PACRG: variants seen among roughly 807,000 people sequenced by gnomAD.
The protein encoded by PACRG is parkin coregulated.
PACRG carries 29 observed loss-of-function variants against 29.7 expected under a neutral mutation model. That is an observed-to-expected ratio of 0.98 (90% confidence interval 0.73 to 1.33). PACRG has a LOEUF of 1.33. PACRG is among the 40% of genes most tolerant of loss of function. The probability of loss-of-function intolerance (pLI) is 0.00; values close to 1 mark genes in which losing one functional copy is unlikely to be tolerated. For missense variants in PACRG, 279 were observed against 316.2 expected (o/e 0.88, Z 0.89); for synonymous variants, 116 against 118.7 (o/e 0.98, Z 0.15).
chr6:162,987,701 G>C (rs1171025290), intron 2 of PACRG, among the ~76,000 whole-genome samples: 3 of 152,174 alleles, frequency 2.0e-5, no homozygotes, highest in Admixed American at 2.0e-4. Flanking sequence ...AGTCTTAGGT[G>C]TGTCTTTATT....
chr6:162,820,817 G>A (rs1255074792), intron 2 of PACRG, among the ~76,000 whole-genome samples: 2 of 152,146 alleles, frequency 1.3e-5, no homozygotes, highest in Non-Finnish European at 1.5e-5. Flanking sequence ...CAAAGCTTGA[G>A]TTTGGATAAT....
intron 4 of PACRG, among the ~76,000 whole-genome samples, chr6:163,290,879 T>C (rs1784576524): frequency 6.6e-6 from 1 of 152,124 alleles, no homozygotes; most frequent in Admixed American, 6.5e-5. Context: ...GAAGGGGCAT[T>C]GGCGGGTAGG....
Position 163,071,700 on chromosome 6 carries a change from G to GA in PACRG, c.463+9390dup, listed in dbSNP as rs34031093. The stretch of plus-strand genomic sequence containing the variant: ...AATAATAAAGACCAGATCTAAGTTA[G>GA]AAAAAAAAAAAGACCCAAATAAATA... On this transcript the variant is annotated intron_variant, in intron 3 of 4. Coordinates refer to ENST00000366888, the MANE Select transcript of PACRG (RefSeq NM_001080379.2). 3.2e-3 allele frequency among the ~76,000 whole-genome samples: 452 copies of GA among 140,778 alleles called. 3 individuals carry two copies. The highest frequency in any genetic ancestry group is 0.019 in the East Asian group (92 of 4,918). 92.4% of individuals were successfully genotyped at this position (140,778 alleles called of 152,430 possible).
intron 2 of PACRG, among the ~76,000 whole-genome samples, chr6:162,932,185 A>G (rs998750757): frequency 6.6e-6 from 1 of 152,014 alleles, no homozygotes; most frequent in East Asian, 1.9e-4. Flanking sequence ...TTATGTTTCC[A>G]TTTATATAAA....
intron 4 of PACRG, among the ~76,000 whole-genome samples, chr6:163,124,933 A>G (rs967696762): frequency 6.6e-6 from 1 of 152,250 alleles, no homozygotes; most frequent in Admixed American, 6.5e-5. Context: ...AATCTCATGA[A>G]TTACAGTCTC....
At chr6:162,787,585 T>TAG (rs1784598550) in intron 1 of PACRG, among the ~76,000 whole-genome samples, 1 of 45,596 alleles carries the variant, frequency 2.2e-5, no homozygotes, top group Non-Finnish European at 5.8e-5. Context: ...TGTGTGTGTA[T>TAG]ATATATATAT....
intron 4 of PACRG, among the ~76,000 whole-genome samples, chr6:163,269,487 A>G (rs1461018488): frequency 6.6e-6 from 1 of 152,136 alleles, no homozygotes; most frequent in African/African-American, 2.4e-5. Flanking sequence ...TCTTTCTGAG[A>G]CCTGGTTCTT....
intron 4 of PACRG, among the ~76,000 whole-genome samples, chr6:163,278,957 C>G (rs143295583): frequency 6.6e-6 from 1 of 152,078 alleles, no homozygotes; most frequent in Non-Finnish European, 1.5e-5. Context: ...ATTCTACCCA[C>G]CCATGAGCAT....
intron 4 of PACRG, among the ~76,000 whole-genome samples, chr6:163,140,479 G>T (rs553028384): frequency 6.6e-6 from 1 of 152,192 alleles, no homozygotes; most frequent in Non-Finnish European, 1.5e-5. Context: ...AAAATCTGCT[G>T]CCAATGCCAT....
At chr6:162,834,597 A>AT (rs1244044529) in intron 2 of PACRG, among the ~76,000 whole-genome samples, 2 of 151,454 alleles carry the variant, frequency 1.3e-5, no homozygotes, top group African/African-American at 4.9e-5. Context: ...GAATTGTTTG[A>AT]TTTTTTTAAA....
chr6:162,876,694 G>T (rs1057356810), intron 2 of PACRG, among the ~76,000 whole-genome samples: 1 of 152,180 alleles, frequency 6.6e-6, no homozygotes, highest in Non-Finnish European at 1.5e-5. Flanking sequence ...CTTTTGCTGT[G>T]CAGAAGCTCT....
chr6:163,269,137 T>C (rs1245657133), intron 4 of PACRG, among the ~76,000 whole-genome samples: 3 of 152,246 alleles, frequency 2.0e-5, no homozygotes, highest in African/African-American at 7.2e-5. Context: ...AAAGAAACCA[T>C]CCAAGAAAGA....
chr6:163,135,255 C>T lies in PACRG; in HGVS notation c.613+45847C>T, dbSNP rs188882682. On this transcript the variant is annotated intron_variant, in intron 4 of 4. Transcript: ENST00000366888. ...CTGGGCTGGAGTACAGTGGCACAAT[C>T]TCGGCTCACTGCAGCCTCCACCTCC... Among the ~76,000 whole-genome samples the T allele has an allele frequency of 2.0e-5, 3 of 151,418 alleles. 1 individual carries two copies. Among genetic ancestry groups the T allele is most frequent in the Admixed American group, 2.0e-4 (3 of 15,176 alleles).
At chr6:163,186,392 TACAC>T (rs933468830) in intron 4 of PACRG, among the ~76,000 whole-genome samples, 4 of 151,884 alleles carry the variant, frequency 2.6e-5, no homozygotes, top group East Asian at 1.9e-4. Flanking sequence ...CAGACACAGA[TACAC>T]ACACACAGAC....
chr6:163,214,031 G>A (rs942950679), intron 4 of PACRG, among the ~76,000 whole-genome samples: 1 of 152,024 alleles, frequency 6.6e-6, no homozygotes, highest in African/African-American at 2.4e-5. Context: ...ACTCGATTCT[G>A]TTCTTAACTA....
At chr6:162,894,386 A>G (rs1464804375) in intron 2 of PACRG, among the ~76,000 whole-genome samples, 1 of 152,224 alleles carries the variant, frequency 6.6e-6, no homozygotes, top group Non-Finnish European at 1.5e-5. Flanking sequence ...GTTGACTAAG[A>G]TATAATGGTC....
In PACRG at chr6:163,197,443, T is replaced by C. The variant is rs919775826; in HGVS notation, c.613+108035T>C. Among the ~76,000 whole-genome samples the C allele has an allele frequency of 6.0e-3, 804 of 133,442 alleles. 1 individual carries two copies. Among genetic ancestry groups the C allele is most frequent in the African/African-American group, 0.019 (625 of 32,408 alleles). 87.5% of individuals were successfully genotyped at this position (133,442 alleles called of 152,430 possible). A position where few individuals can be genotyped will look rare whatever the true frequency, so the allele number is the denominator to read the frequency against. On this transcript the variant is annotated intron_variant, in intron 4 of 4. Coordinates refer to ENST00000366888, the MANE Select transcript of PACRG (RefSeq NM_001080379.2). The stretch of plus-strand genomic sequence containing the variant: ...TATTTTCTTTTCTTTTCTTTTTTTT[T>C]TTTTTTTTTTTTTTTTGTGAGACAG...
intron 4 of PACRG, among the ~76,000 whole-genome samples, chr6:163,238,689 C>T (rs1214837320): frequency 1.3e-5 from 2 of 152,208 alleles, no homozygotes; most frequent in African/African-American, 4.8e-5. Flanking sequence ...CAAGGACTTT[C>T]GTAGTCTTGA....
intron 4 of PACRG, among the ~76,000 whole-genome samples, chr6:163,161,983 T>C (rs1435358173): frequency 2.0e-5 from 3 of 152,236 alleles, no homozygotes; most frequent in Admixed American, 6.5e-5. Context: ...AACAGACTGA[T>C]ACATACCTGC....
Sources: allele counts gnomAD v4.1 joint callset (sites outside exome capture counted in the v4.1 genomes callset), GRCh38; gene constraint gnomAD v4.1.1; transcripts MANE v1.5; gene names NCBI Gene and HGNC (gene_info 2026-07-23, HGNC 2026-07-21).